Variants in CDK17 observed in about 807,000 individuals in gnomAD.
The protein encoded by CDK17 is cyclin-dependent kinase 17.
A neutral mutation model predicts 77.6 loss-of-function variants in CDK17; 24 were observed. That is an observed-to-expected ratio of 0.31 (90% CI 0.22 to 0.44). The LOEUF is 0.44. Among genes scored for constraint, CDK17 ranks in the 20% least tolerant of loss-of-function variants. The pLI, the probability that CDK17 is intolerant of heterozygous loss-of-function variation, is 1.00. For missense variants in CDK17, 429 were observed against 622.5 expected (o/e 0.69, Z 3.31); for synonymous variants, 203 against 210.4 (o/e 0.96, Z 0.30).
At chr12:96,293,685 C>A (rs576223297) in intron 10 of CDK17, among the ~76,000 whole-genome samples, 1 of 152,222 alleles carries the variant, frequency 6.6e-6, no homozygotes, top group African/African-American at 2.4e-5. Context: ...TTAAATGGGT[C>A]TTTTATCCAT....
intron 1 of CDK17, among the ~76,000 whole-genome samples, chr12:96,340,225 T>C (rs1953104309): frequency 6.6e-6 from 1 of 152,132 alleles, no homozygotes; most frequent in Non-Finnish European, 1.5e-5. Context: ...GGACATTCTA[T>C]GCGCTTCTAA....
rs73366555 is a variant in CDK17, at chr12:96,350,898, G to C, written c.-29-16033C>G. Among the ~76,000 whole-genome samples the C allele has an allele frequency of 6.1e-3, 925 of 152,116 alleles. 12 individuals are homozygous for C. Among genetic ancestry groups the C allele is most frequent in the African/African-American group, 0.02 (831 of 41,488 alleles). On this transcript the variant is annotated intron_variant, in intron 1 of 16. Coordinates refer to ENST00000261211, the MANE Select transcript of CDK17 (RefSeq NM_002595.5). Reference sequence around the variant, plus strand: ...TTTAAATTTAAAATGATAGTAAAGAGAGTGAAACAACCCACAGAATGGGTT... The same window carrying C: ...TTTAAATTTAAAATGATAGTAAAGACAGTGAAACAACCCACAGAATGGGTT...
rs553032592 is a variant in CDK17, at chr12:96,326,521, G to C, written c.119-2409C>G. On this transcript the variant is annotated intron_variant, in intron 2 of 16. Transcript: ENST00000261211. Reference sequence around the variant, plus strand: ...TGTGGATAACAGGATATTCCAGATAGAGAAAAAAGCTAATGAAAAGCCGAC... The same window carrying C: ...TGTGGATAACAGGATATTCCAGATACAGAAAAAAGCTAATGAAAAGCCGAC... 1.6e-4 allele frequency among the ~76,000 whole-genome samples: 25 copies of C among 152,320 alleles called. No homozygotes were observed. The Middle Eastern group carries it at 0.01, about 62-fold the overall frequency.
At chr12:96,294,396 A>G (rs576260201) in intron 10 of CDK17, among the ~76,000 whole-genome samples, 1 of 151,880 alleles carries the variant, frequency 6.6e-6, no homozygotes, top group South Asian at 2.1e-4. Flanking sequence ...GTTCGAGATC[A>G]GCCTGACCAA....
chr12:96,333,143 C>A (rs2137140407), intron 2 of CDK17, among the ~76,000 whole-genome samples: 1 of 150,358 alleles, frequency 6.7e-6, no homozygotes, highest in African/African-American at 2.4e-5. Flanking sequence ...ACCAAAAATT[C>A]AATGGGGGGG....
intron 1 of CDK17, among the ~76,000 whole-genome samples, chr12:96,375,936 G>T (rs998696341): frequency 4.6e-5 from 7 of 152,164 alleles, no homozygotes; most frequent in Non-Finnish European, 7.4e-5. Flanking sequence ...AAAATTGAAA[G>T]TCAAACTATT....
At chr12:96,297,574 T>C (rs1443548293) in intron 8 of CDK17, 53 bp downstream of exon 8, 2 of 1,160,394 alleles carry the variant, frequency 1.7e-6, no homozygotes, top group Non-Finnish European at 1.2e-6. Flanking sequence ...AAGTCCAATT[T>C]ACTATGTTTT....
intron 2 of CDK17, among the ~76,000 whole-genome samples, chr12:96,325,191 G>A (rs1399823522): frequency 6.6e-6 from 1 of 152,192 alleles, no homozygotes; most frequent in Non-Finnish European, 1.5e-5. Flanking sequence ...AGCAGCCAAG[G>A]AGTTTTAAAA....
At chr12:96,327,356 C>A (rs1327784511) in intron 2 of CDK17, among the ~76,000 whole-genome samples, 1 of 151,996 alleles carries the variant, frequency 6.6e-6, no homozygotes, top group African/African-American at 2.4e-5. Flanking sequence ...TACTACAGTA[C>A]CCTAAGTAAC....
At chr12:96,304,267 G>A (rs770173919) in intron 5 of CDK17, among the ~76,000 whole-genome samples, 3 of 152,228 alleles carry the variant, frequency 2.0e-5, no homozygotes, top group South Asian at 2.1e-4. Context: ...GGCCGGGCAC[G>A]GTGGCTCATG....
chr12:96,336,002 A>G (rs569537972), intron 1 of CDK17, among the ~76,000 whole-genome samples: 1 of 152,148 alleles, frequency 6.6e-6, no homozygotes, highest in South Asian at 2.1e-4. Context: ...TGTTTTGCTT[A>G]TTTTCTCATT....
rs1382544263 is a variant in CDK17, at chr12:96,307,311, G to A, written c.543+3741C>T. Among the ~76,000 whole-genome samples, 29 of 152,006 alleles carry A rather than the reference G, an allele frequency of 1.9e-4. 1 individual carries two copies. The highest frequency in any genetic ancestry group is 1.8e-3 in the Admixed American group (28 of 15,240). On this transcript the variant is annotated intron_variant, in intron 5 of 16. Transcript: ENST00000261211. ...ACTCTGTCTCAAAAAAAAAGCGGGG[G>A]AGGTAGGTAGGAACACTTAACCATA...
intron 1 of CDK17, among the ~76,000 whole-genome samples, chr12:96,373,414 G>A (rs1245714463): frequency 6.6e-6 from 1 of 151,404 alleles, no homozygotes; most frequent in Non-Finnish European, 1.5e-5. Context: ...CCAACATGGC[G>A]AAACCCCGTC....
chr12:96,357,222 G>A (rs570233952), intron 1 of CDK17, among the ~76,000 whole-genome samples: 1 of 151,958 alleles, frequency 6.6e-6, no homozygotes, highest in East Asian at 1.9e-4. Context: ...AGCACTTTGG[G>A]AGGCTGAGGC....
intron 3 of CDK17, among the ~76,000 whole-genome samples, chr12:96,322,613 A>T (rs1467484742): frequency 2.0e-5 from 3 of 152,030 alleles, no homozygotes; most frequent in Admixed American, 2.0e-4. Flanking sequence ...ACATGACAAC[A>T]CTGAACATAT....
At chr12:96,338,634 G>A (rs921611553) in intron 1 of CDK17, among the ~76,000 whole-genome samples, 5 of 151,946 alleles carry the variant, frequency 3.3e-5, no homozygotes, top group Admixed American at 2.6e-4. Flanking sequence ...CAAGTGATCC[G>A]CTCACCTCGG....
rs146919674 is a variant in CDK17, at chr12:96,364,683, C to T, written c.-29-29818G>A. Among the ~76,000 whole-genome samples, 35 of 152,242 alleles carry T rather than the reference C, an allele frequency of 2.3e-4. No homozygotes were observed. The South Asian group carries it at 5.2e-3, about 23-fold the overall frequency. On this transcript the variant is annotated intron_variant, in intron 1 of 16. Coordinates refer to ENST00000261211, the MANE Select transcript of CDK17 (RefSeq NM_002595.5). ...CTCAGCTGAGTACCATCAAGAAATA[C>T]GGCACATACTACAGGAAATCACTTC...
rs80310306 is a variant in CDK17, at chr12:96,335,921, G to A, written c.-29-1056C>T. 7.4e-3 allele frequency among the ~76,000 whole-genome samples: 1,126 copies of A among 152,190 alleles called. 8 individuals carry two copies. The highest frequency in any genetic ancestry group is 0.026 in the African/African-American group (1,060 of 41,532). Reference sequence around the variant, plus strand: ...TCCCAACCAACCAAGAGTAAGGGCCGTACAACTCCTCTATATTAAAGTACA... The same window carrying A: ...TCCCAACCAACCAAGAGTAAGGGCCATACAACTCCTCTATATTAAAGTACA... On this transcript the variant is annotated intron_variant, in intron 1 of 16. Coordinates refer to ENST00000261211, the MANE Select transcript of CDK17 (RefSeq NM_002595.5).
intron 1 of CDK17, among the ~76,000 whole-genome samples, chr12:96,394,391 A>G (rs1382134472): frequency 6.6e-6 from 1 of 152,242 alleles, no homozygotes; most frequent in Non-Finnish European, 1.5e-5. Flanking sequence ...TAACTGAACT[A>G]GAATACAATG....
Sources: allele counts gnomAD v4.1 joint callset (sites outside exome capture counted in the v4.1 genomes callset), GRCh38; gene constraint gnomAD v4.1.1; transcripts MANE v1.5; gene names NCBI Gene and HGNC (gene_info 2026-07-23, HGNC 2026-07-21).